Variants in WDR7 observed in about 807,000 individuals in gnomAD.
WDR7 encodes the protein WD repeat domain 7, also known as WD repeat-containing protein 7.
A neutral mutation model predicts 169.4 loss-of-function variants in WDR7; 46 were observed. That is an observed-to-expected ratio of 0.27 (90% confidence interval 0.21 to 0.35). WDR7 has a LOEUF of 0.35. Among genes scored for constraint, WDR7 ranks in the 10% least tolerant of loss-of-function variants. The pLI, the probability that WDR7 is intolerant of heterozygous loss-of-function variation, is 1.00. For missense variants in WDR7, 1,534 were observed against 1,859.3 expected, an observed-to-expected ratio of 0.83 and a Z score of 3.22; for synonymous variants, 612 against 666.8, an observed-to-expected ratio of 0.92 and a Z score of 1.27.
chr18:56,983,913 A>G (rs1289570421), intron 26 of WDR7, among the ~76,000 whole-genome samples: 4 of 152,278 alleles, frequency 2.6e-5, no homozygotes, highest in East Asian at 1.9e-4. Context: ...ATTTTACACA[A>G]TTGCAGTTTT....
At chr18:57,030,161 C>T (rs1361320388), downstream of WDR7, 1 of 152,200 alleles carries the variant, frequency 6.6e-6, no homozygotes, top group Non-Finnish European at 1.5e-5. Flanking sequence ...GCATTTCACG[C>T]TCAGTTTGGA....
intron 19 of WDR7, among the ~76,000 whole-genome samples, chr18:56,795,471 C>G (rs757333594): frequency 6.6e-6 from 1 of 152,170 alleles, no homozygotes; most frequent in Non-Finnish European, 1.5e-5. Context: ...TGAGTTTATA[C>G]TGATATTCCC....
chr18:56,718,078 G>T lies in WDR7; in HGVS notation c.1693G>T (p.Val565Leu). ...LASRHLFPIQ[V>L]IKWRPSDDYL... is the part of the protein sequence containing the mutation. ...ATCTCGTCACCTTTTTCCTATTCAA[G>T]TAATCAAATGGAGGCCTTCTGATGA... Residue 565 changes from valine (V) to leucine (L), a missense_variant, in exon 13 of 28, where the codon GTA becomes TTA. Val to Leu is a conservative substitution (Grantham distance 32, BLOSUM62 1). Transcript: ENST00000254442. 1 of 1,614,154 alleles carries T rather than the reference G, an allele frequency of 6.2e-7. No homozygotes were observed. The highest frequency in any genetic ancestry group is 8.5e-7 in the Non-Finnish European group (1 of 1,180,000).
intron 19 of WDR7, among the ~76,000 whole-genome samples, chr18:56,787,937 T>G (rs1250063162): frequency 3.3e-5 from 5 of 152,162 alleles, no homozygotes; most frequent in Admixed American, 3.3e-4. Context: ...GGGGGAAGGA[T>G]AGGGAGAGAG....
downstream of WDR7, chr18:57,029,993 C>G (rs769404001): frequency 6.6e-6 from 1 of 152,192 alleles, no homozygotes; most frequent in East Asian, 1.9e-4. Flanking sequence ...CTCACTGGCA[C>G]TCTCTGTGGT....
At chr18:56,864,742 T>C (rs908583889) in intron 20 of WDR7, among the ~76,000 whole-genome samples, 2 of 151,826 alleles carry the variant, frequency 1.3e-5, no homozygotes, top group Admixed American at 1.3e-4. Context: ...TATATTGAAA[T>C]TGAGATATGA....
chr18:56,653,405 C>T (rs1362609291), intron 1 of WDR7, among the ~76,000 whole-genome samples: 1 of 152,120 alleles, frequency 6.6e-6, no homozygotes, highest in Non-Finnish European at 1.5e-5. Flanking sequence ...TGGGGTTTCA[C>T]CATGTTGGTC....
chr18:56,872,112 C>T (rs1040905259), intron 20 of WDR7, among the ~76,000 whole-genome samples: 2 of 152,048 alleles, frequency 1.3e-5, no homozygotes, highest in African/African-American at 4.8e-5. Context: ...TATAAAGTAT[C>T]TGCTAGTAGT....
chr18:56,953,824 T>G (rs957333150), intron 25 of WDR7, among the ~76,000 whole-genome samples: 6 of 152,236 alleles, frequency 3.9e-5, no homozygotes, highest in Admixed American at 3.9e-4. Flanking sequence ...GACTCCAAAA[T>G]CTATGCTTAT....
intron 14 of WDR7, among the ~76,000 whole-genome samples, chr18:56,747,509 A>G (rs577699302): frequency 2.5e-4 from 38 of 152,296 alleles, no homozygotes; most frequent in African/African-American, 8.4e-4. Context: ...AGTTACACCC[A>G]CACCCAGTGG....
chr18:56,953,624 TC>T (rs1217548616), intron 25 of WDR7, among the ~76,000 whole-genome samples: 2 of 152,206 alleles, frequency 1.3e-5, no homozygotes, highest in African/African-American at 4.8e-5. Flanking sequence ...GACAGAGAGA[TC>T]AATCAGTGAG....
chr18:56,841,567 A>T (rs914896976), intron 20 of WDR7, among the ~76,000 whole-genome samples: 1 of 151,840 alleles, frequency 6.6e-6, no homozygotes, highest in Admixed American at 6.6e-5. Flanking sequence ...AAAAGATACA[A>T]CAATGGGGAT....
intron 19 of WDR7, among the ~76,000 whole-genome samples, chr18:56,803,556 G>A (rs2145168641): frequency 6.6e-6 from 1 of 152,140 alleles, no homozygotes; most frequent in Non-Finnish European, 1.5e-5. Flanking sequence ...TCTAAAAGGA[G>A]GGAAATAATA....
At chr18:56,946,275 G>A (rs775980279) in intron 25 of WDR7, among the ~76,000 whole-genome samples, 62 of 152,220 alleles carry the variant, frequency 4.1e-4, no homozygotes, top group Non-Finnish European at 7.9e-4. Context: ...TTTGCATGGA[G>A]CCACCTTTCA....
intron 14 of WDR7, among the ~76,000 whole-genome samples, chr18:56,751,898 C>T (rs2043798713): frequency 6.6e-6 from 1 of 152,206 alleles, no homozygotes; most frequent in South Asian, 2.1e-4. Flanking sequence ...TTTCTACATG[C>T]TCAGTGCTAT....
At chr18:56,846,690 T>C (rs1467493354) in intron 20 of WDR7, among the ~76,000 whole-genome samples, 1 of 152,184 alleles carries the variant, frequency 6.6e-6, no homozygotes, top group African/African-American at 2.4e-5. Context: ...GCTGGCTGTT[T>C]TAAAAAAGTC....
intron 26 of WDR7, among the ~76,000 whole-genome samples, chr18:56,963,012 C>T (rs1357818914): frequency 2.0e-5 from 3 of 152,124 alleles, no homozygotes; most frequent in Non-Finnish European, 1.5e-5. Context: ...ACATGCTGTA[C>T]TTGAAATACT....
chr18:56,996,422 A>G (rs1259669257), intron 26 of WDR7, among the ~76,000 whole-genome samples: 2 of 152,240 alleles, frequency 1.3e-5, no homozygotes, highest in Non-Finnish European at 2.9e-5. Flanking sequence ...CATAGAAAGC[A>G]TTTAGAAATT....
rs1430199751 is a variant in WDR7 at position 56,955,541 on chromosome 18, CATTT to C, written c.4065-6888_4065-6885del. 5.3e-5 allele frequency among the ~76,000 whole-genome samples: 8 copies of C among 152,206 alleles called. No homozygotes were observed. In the East Asian group the frequency reaches 1.5e-3, roughly 29 times the overall value. ...ATAAATTTAAAATATTCTGAGCATT[CATTT>C]TCCTTATGTATTAGCATGTTATTAG... On this transcript the variant is annotated intron_variant, in intron 25 of 27. Transcript: ENST00000254442.
Sources: gnomAD v4.1 joint callset for allele counts (sites outside exome capture counted in the v4.1 genomes callset) on GRCh38, gnomAD v4.1.1 for gene constraint, MANE v1.5 for transcripts, NCBI Gene and HGNC (gene_info 2026-07-23, HGNC 2026-07-21) for gene names.